SLC24A3: variants seen among roughly 807,000 people sequenced by gnomAD.
SLC24A3 encodes sodium/potassium/calcium exchanger 3.
A neutral mutation model predicts 75.8 loss-of-function variants in SLC24A3; 28 were observed. The ratio of observed to expected loss-of-function variants is 0.37; its 90% CI spans 0.27 to 0.51. The LOEUF (loss-of-function observed/expected upper bound fraction) is 0.51. SLC24A3 is among the 20% of genes least tolerant of loss of function. The pLI is 0.94. For missense variants in SLC24A3, 663 were observed against 847.8 expected (o/e 0.78, Z 2.71); for synonymous variants, 372 against 334.1 (o/e 1.11, Z -1.24).
chr20:19,321,906 T>C (rs1299842557), intron 2 of SLC24A3, among the ~76,000 whole-genome samples: 1 of 152,212 alleles, frequency 6.6e-6, no homozygotes, highest in Non-Finnish European at 1.5e-5. Flanking sequence ...TTCTTTTTCT[T>C]CCAGCCACTG....
intron 6 of SLC24A3, among the ~76,000 whole-genome samples, chr20:19,612,641 T>TGTGTGTGTGTGTGA (rs1555802816): frequency 1.3e-5 from 2 of 149,276 alleles, no homozygotes; most frequent in Admixed American, 6.7e-5. Context: ...TGTGTGTGTG[T>TGTGTGTGTGTGTGA]AAAATAAATG....
At chr20:19,360,336 A>C (rs1031112119) in intron 2 of SLC24A3, among the ~76,000 whole-genome samples, 2 of 152,220 alleles carry the variant, frequency 1.3e-5, no homozygotes, top group Non-Finnish European at 2.9e-5. Flanking sequence ...ATGCCTCCAC[A>C]TCTGGGCCTG....
intron 2 of SLC24A3, among the ~76,000 whole-genome samples, chr20:19,466,097 T>TG (rs1274735558): frequency 6.6e-6 from 1 of 152,194 alleles, no homozygotes; most frequent in African/African-American, 2.4e-5. Context: ...TTCTATAGTG[T>TG]GTTTGTTAGA....
chr20:19,309,161 TA>T (rs1172906651), intron 2 of SLC24A3, among the ~76,000 whole-genome samples: 3 of 152,204 alleles, frequency 2.0e-5, no homozygotes, highest in African/African-American at 7.2e-5. Flanking sequence ...TCAGATCTTC[TA>T]AAGTTTCATC....
chr20:19,322,107 T>C (rs1448504532), intron 2 of SLC24A3, among the ~76,000 whole-genome samples: 2 of 152,154 alleles, frequency 1.3e-5, no homozygotes, highest in Non-Finnish European at 2.9e-5. Context: ...TAACTCTGAC[T>C]GCTTGGTTAT....
chr20:19,640,607 A>C (rs1345245880), intron 6 of SLC24A3, among the ~76,000 whole-genome samples: 2 of 152,156 alleles, frequency 1.3e-5, no homozygotes, highest in Admixed American at 1.3e-4. Context: ...AAAATTAGCC[A>C]GATGTGGTGG....
At chr20:19,713,550 T>C (rs2033011948) in intron 15 of SLC24A3, among the ~76,000 whole-genome samples, 2 of 152,154 alleles carry the variant, frequency 1.3e-5, no homozygotes, top group African/African-American at 4.8e-5. Context: ...CATTCATCAG[T>C]TACGTTTTAA....
intron 2 of SLC24A3, among the ~76,000 whole-genome samples, chr20:19,375,601 G>A (rs1324644130): frequency 2.0e-5 from 3 of 152,212 alleles, no homozygotes; most frequent in African/African-American, 7.2e-5. Context: ...GTGAGAGGAG[G>A]AAGTGCCATA....
intron 1 of SLC24A3, among the ~76,000 whole-genome samples, chr20:19,248,759 G>A (rs372550629): frequency 6.6e-6 from 1 of 151,966 alleles, no homozygotes; most frequent in Non-Finnish European, 1.5e-5. Context: ...AGCGTCCATC[G>A]ACAGATGAAT....
intron 6 of SLC24A3, among the ~76,000 whole-genome samples, chr20:19,604,875 G>A (rs2031575273): frequency 6.6e-6 from 1 of 152,166 alleles, no homozygotes. Context: ...AGATTGTGCA[G>A]GTGGTCAGGC....
intron 6 of SLC24A3, among the ~76,000 whole-genome samples, chr20:19,586,967 A>T (rs1034028352): frequency 9.2e-5 from 14 of 152,158 alleles, no homozygotes; most frequent in African/African-American, 1.9e-4. Flanking sequence ...GTATTTTTTT[A>T]AAAAATGAGT....
intron 2 of SLC24A3, among the ~76,000 whole-genome samples, chr20:19,343,092 G>GA (rs1414520504): frequency 8.0e-6 from 1 of 125,466 alleles, no homozygotes; most frequent in African/African-American, 3.2e-5. Flanking sequence ...AAAGAAAAAA[G>GA]AAAAAGAAAA....
intron 2 of SLC24A3, among the ~76,000 whole-genome samples, chr20:19,281,336 G>A (rs1460926980): frequency 6.6e-6 from 1 of 152,222 alleles, no homozygotes; most frequent in East Asian, 1.9e-4. Flanking sequence ...GCGGTACTGA[G>A]ATCAGATGTG....
Position 19,294,941 on chromosome 20 carries a change from A to G in SLC24A3, c.271+13854A>G, listed in dbSNP as rs372096872. On this transcript the variant is annotated intron_variant, in intron 2 of 16. Coordinates refer to ENST00000328041, the MANE Select transcript of SLC24A3 (RefSeq NM_020689.4). Reference sequence around the variant, plus strand: ...GTTTCTATTTCTCCACAGCCTTACCAGCATCTATTTTAACAATAAATAGCT... The same window carrying G: ...GTTTCTATTTCTCCACAGCCTTACCGGCATCTATTTTAACAATAAATAGCT... Among the ~76,000 whole-genome samples the G allele has an allele frequency of 4.6e-5, 7 of 152,314 alleles. No homozygotes were observed. The East Asian group carries it at 1.4e-3, about 29-fold the overall frequency.
chr20:19,668,465 C>A (rs1248691902), intron 8 of SLC24A3, among the ~76,000 whole-genome samples: 1 of 152,146 alleles, frequency 6.6e-6, no homozygotes, highest in Non-Finnish European at 1.5e-5. Context: ...GAGTTCCATT[C>A]CTCATTATAG....
At chr20:19,300,554 T>C (rs150983809) in intron 2 of SLC24A3, among the ~76,000 whole-genome samples, 1,785 of 152,348 alleles carry the variant, frequency 0.012, 16 homozygotes, top group Non-Finnish European at 0.016. Flanking sequence ...GTGCTGCCAG[T>C]GTGGTCTGGT....
chr20:19,541,292 T>G (rs1312138953), intron 3 of SLC24A3, among the ~76,000 whole-genome samples: 1 of 152,168 alleles, frequency 6.6e-6, no homozygotes, highest in South Asian at 2.1e-4. Flanking sequence ...CTGGAAGATG[T>G]TGGAGCTATC....
At chr20:19,522,115 GA>G (rs1264186197) in intron 3 of SLC24A3, among the ~76,000 whole-genome samples, 1 of 152,132 alleles carries the variant, frequency 6.6e-6, no homozygotes, top group Non-Finnish European at 1.5e-5. Flanking sequence ...TGTGAATGAG[GA>G]GCTAACTTTT....
chr20:19,319,550 A>G (rs1205312683), intron 2 of SLC24A3, among the ~76,000 whole-genome samples: 1 of 152,214 alleles, frequency 6.6e-6, no homozygotes, highest in African/African-American at 2.4e-5. Flanking sequence ...CATGCTAGAG[A>G]TGCAGAAATT....
Sources: gnomAD v4.1 joint callset for allele counts (sites outside exome capture counted in the v4.1 genomes callset) on GRCh38, gnomAD v4.1.1 for gene constraint, MANE v1.5 for transcripts, NCBI Gene and HGNC (gene_info 2026-07-23, HGNC 2026-07-21) for gene names.